Variants in SYT14 observed in about 807,000 individuals in gnomAD.
SYT14 encodes the protein synaptotagmin 14.
A neutral mutation model predicts 74.2 loss-of-function variants in SYT14; 32 were observed. The ratio of observed to expected loss-of-function variants is 0.43; its 90% CI spans 0.33 to 0.58. The LOEUF (loss-of-function observed/expected upper bound fraction) is 0.58. Among genes scored for constraint, SYT14 ranks in the 20% least tolerant of loss-of-function variants. The pLI, the probability that SYT14 is intolerant of heterozygous loss-of-function variation, is 0.05. For missense variants in SYT14, 791 were observed against 981.8 expected (o/e 0.81, Z 2.60); for synonymous variants, 298 against 337.7 (o/e 0.88, Z 1.29).
intron 7 of SYT14, among the ~76,000 whole-genome samples, chr1:210,106,595 A>G (rs983185443): frequency 2.6e-5 from 4 of 152,120 alleles, no homozygotes; most frequent in African/African-American, 9.7e-5. Flanking sequence ...AAAGGGGGAA[A>G]AGCCCCTTAT....
chr1:210,160,016 AC>A (rs1159035760), intron 9 of SYT14, among the ~76,000 whole-genome samples: 2 of 152,218 alleles, frequency 1.3e-5, no homozygotes, highest in African/African-American at 2.4e-5. Context: ...GTGCCAAAAA[AC>A]AATCCTATAG....
At chr1:210,049,424 T>C (rs2080947186) in intron 5 of SYT14, among the ~76,000 whole-genome samples, 1 of 151,476 alleles carries the variant, frequency 6.6e-6, no homozygotes. Flanking sequence ...TGGATTTTGA[T>C]TTTTTTTCTT....
intron 7 of SYT14, among the ~76,000 whole-genome samples, chr1:210,150,947 A>G (rs551585638): frequency 3.3e-5 from 5 of 152,318 alleles, no homozygotes; most frequent in Admixed American, 1.3e-4. Flanking sequence ...TATTCACACC[A>G]TTAAGTAAAT....
intron 2 of SYT14, among the ~76,000 whole-genome samples, chr1:209,985,352 A>G (rs990909099): frequency 6.6e-6 from 1 of 152,254 alleles, no homozygotes; most frequent in Non-Finnish European, 1.5e-5. Context: ...CAGTCATTAA[A>G]TCTTAAAAGT....
intron 1 of SYT14, among the ~76,000 whole-genome samples, chr1:209,942,360 A>AACCCCCCC (rs2078747291): frequency 1.2e-4 from 9 of 74,592 alleles, no homozygotes; most frequent in African/African-American, 6.6e-4. Context: ...ATGCAAATTT[A>AACCCCCCC]CCCCCCCCCC....
intron 2 of SYT14, among the ~76,000 whole-genome samples, chr1:209,982,212 G>A (rs2079499726): frequency 6.6e-6 from 1 of 152,080 alleles, no homozygotes; most frequent in Admixed American, 6.6e-5. Flanking sequence ...CTGGAGTGCA[G>A]TGGCGCCATC....
exon 10 of SYT14, chr1:210,163,035 G>GT (rs1558234227): frequency 2.2e-6 from 1 of 453,642 alleles, no homozygotes; most frequent in South Asian, 1.6e-5. Flanking sequence ...AAGAGGGGAT[G>GT]TAGATTTTAC....
At chr1:210,038,387 C>A (rs1188632424) in intron 5 of SYT14, among the ~76,000 whole-genome samples, 3 of 152,006 alleles carry the variant, frequency 2.0e-5, no homozygotes, top group Non-Finnish European at 4.4e-5. Flanking sequence ...CAATGTTTGT[C>A]TTTTAAATGG....
chr1:210,035,414 GT>G (rs377282039), intron 5 of SYT14, among the ~76,000 whole-genome samples: 9 of 151,678 alleles, frequency 5.9e-5, no homozygotes, highest in Non-Finnish European at 1.3e-4. Context: ...TTGCCTTTTA[GT>G]TTATATAGTC....
chr1:210,098,913 C>T (rs1021122273), intron 6 of SYT14, among the ~76,000 whole-genome samples: 6 of 152,116 alleles, frequency 3.9e-5, no homozygotes, highest in African/African-American at 9.6e-5. Flanking sequence ...AGGTTGGTCT[C>T]GAACTCCTGA....
chr1:210,112,337 A>G (rs1404610762), intron 7 of SYT14, among the ~76,000 whole-genome samples: 8 of 151,286 alleles, frequency 5.3e-5, no homozygotes, highest in Admixed American at 5.2e-4. Flanking sequence ...CTGAGAAGTG[A>G]TTTTCTTGAG....
intron 5 of SYT14, among the ~76,000 whole-genome samples, chr1:210,050,274 CTT>C (rs1399263317): frequency 5.3e-5 from 8 of 152,220 alleles, no homozygotes; most frequent in Non-Finnish European, 1.0e-4. Context: ...CCGCCAGTCT[CTT>C]TGCTAAAACA....
chr1:210,078,822 C>CT (rs1316964695), intron 5 of SYT14, among the ~76,000 whole-genome samples: 1 of 151,710 alleles, frequency 6.6e-6, no homozygotes, highest in Non-Finnish European at 1.5e-5. Flanking sequence ...TCATGGCTCA[C>CT]TGTAGCCTCG....
At chr1:209,951,477 T>C (rs2078910992) in intron 1 of SYT14, among the ~76,000 whole-genome samples, 1 of 152,174 alleles carries the variant, frequency 6.6e-6, no homozygotes, top group East Asian at 1.9e-4. Flanking sequence ...CTTCTTTTTT[T>C]AGACTGCATA....
chr1:210,098,341 A>G (rs1190961544), intron 6 of SYT14, among the ~76,000 whole-genome samples: 2 of 152,180 alleles, frequency 1.3e-5, no homozygotes, highest in African/African-American at 2.4e-5. Flanking sequence ...TACAATGGCT[A>G]AAGAACACAG....
intron 7 of SYT14, among the ~76,000 whole-genome samples, chr1:210,152,178 G>A (rs956422906): frequency 6.6e-6 from 1 of 152,070 alleles, no homozygotes; most frequent in African/African-American, 2.4e-5. Flanking sequence ...TGTGTTTTGT[G>A]TACCCATGAC....
At chr1:210,053,903 T>C (rs1455170734) in intron 5 of SYT14, among the ~76,000 whole-genome samples, 1 of 152,194 alleles carries the variant, frequency 6.6e-6, no homozygotes, top group Non-Finnish European at 1.5e-5. Flanking sequence ...AGAGAAATAG[T>C]GTATAGCAAG....
intron 1 of SYT14, among the ~76,000 whole-genome samples, chr1:209,949,530 G>T (rs1421760576): frequency 6.8e-6 from 1 of 146,970 alleles, no homozygotes; most frequent in East Asian, 2.0e-4. Flanking sequence ...CTGAGATTGT[G>T]CCACTGCACT....
chr1:210,089,823 G>A lies in SYT14; in HGVS notation c.1313-4499G>A, dbSNP rs946605925. Among the ~76,000 whole-genome samples, 4 of 152,304 alleles carry A rather than the reference G, an allele frequency of 2.6e-5. No homozygotes were observed. In the South Asian group the frequency reaches 8.3e-4, roughly 32 times the overall value. On this transcript the variant is annotated intron_variant, in intron 5 of 9. Transcript: ENST00000637265. ...ATGAACAAAGCAACGAAAAAATCAA[G>A]CAATGAACGCATAGATTTATGCTAG...
Sources: gnomAD v4.1 joint callset for allele counts (sites outside exome capture counted in the v4.1 genomes callset) on GRCh38, gnomAD v4.1.1 for gene constraint, MANE v1.5 for transcripts, NCBI Gene and HGNC (gene_info 2026-07-23, HGNC 2026-07-21) for gene names.